PPIE: variants seen among roughly 807,000 people sequenced by gnomAD.
PPIE encodes peptidylprolyl isomerase E, also known as peptidyl-prolyl cis-trans isomerase E.
A neutral mutation model predicts 38.4 loss-of-function variants in PPIE; 20 were observed. That is an observed-to-expected ratio of 0.52 (90% CI 0.37 to 0.76). PPIE has a LOEUF of 0.76. Among genes scored for constraint, PPIE ranks in the 30% least tolerant of loss-of-function variants. The probability of loss-of-function intolerance (pLI) is 0.00; values close to 1 mark genes in which losing one functional copy is unlikely to be tolerated. For missense variants in PPIE, 322 were observed against 385.8 expected (o/e 0.83, Z 1.39); for synonymous variants, 142 against 135.7 (o/e 1.05, Z -0.32).
At chr1:39,743,687 T>G in intron 5 of PPIE, 137 bp from the exon 6 acceptor site, 1 of 673,188 alleles carries the variant, frequency 1.5e-6, no homozygotes, top group Non-Finnish European at 2.5e-6. Context: ...GGAACTTTCC[T>G]TACCCCTGGG....
chr1:39,749,132 G>A, intron 8 of PPIE, 44 bp downstream of exon 8: 3 of 1,538,594 alleles, frequency 1.9e-6, no homozygotes, highest in East Asian at 2.3e-5. Context: ...GCTGGGCAAG[G>A]GTGGGATGGC....
intron 7 of PPIE, chr1:39,748,540 C>A: frequency 4.5e-6 from 1 of 221,300 alleles, no homozygotes; most frequent in South Asian, 5.5e-5. Context: ...AGTTCTAGAC[C>A]AGCTTGGCCA....
chr1:39,753,202 T>C, intron 9 of PPIE, 85 bp from the exon 10 acceptor site: 2 of 1,591,704 alleles, frequency 1.3e-6, no homozygotes, highest in Non-Finnish European at 1.7e-6. Flanking sequence ...GGGGTGGAAG[T>C]GGGCAAATGG....
At chr1:39,759,617 A>T (rs1648673583), downstream of PPIE, 1 of 152,258 alleles carries the variant, frequency 6.6e-6, no homozygotes, top group South Asian at 2.1e-4. Context: ...ATGCTTGCTC[A>T]GCAAAGGGAA....
chr1:39,744,913 C>T (rs1210237029), intron 6 of PPIE, among the ~76,000 whole-genome samples: 4 of 152,168 alleles, frequency 2.6e-5, no homozygotes, highest in Admixed American at 2.6e-4. Context: ...GAGGGCTGCC[C>T]CCTTGCTTCC....
downstream of PPIE, chr1:39,759,974 CCT>C: frequency 5.5e-6 from 1 of 181,234 alleles, no homozygotes; most frequent in East Asian, 1.5e-4. Context: ...CCAACCAGAC[CCT>C]GACTACACAC....
rs1452464082 is a variant in PPIE at position 39,756,687 on chromosome 1, G to T, written c.*3332G>T. 1 of 860,344 alleles carries T rather than the reference G, an allele frequency of 1.2e-6. No individual in the cohort carries two copies. The highest frequency in any genetic ancestry group is 1.8e-5 in the African/African-American group (1 of 54,680). 53.3% of individuals were successfully genotyped at this position (860,344 alleles called of 1,614,324 possible). A position where few individuals can be genotyped will look rare whatever the true frequency, so the allele number is the denominator to read the frequency against. ...TATAGTACAGTGTGATCCCAATTTT[G>T]TAAAAATATCTGTAATATGTAAGCA... On this transcript the variant is annotated 3_prime_UTR_variant, in exon 10 of 10. Coordinates refer to ENST00000324379, the MANE Select transcript of PPIE (RefSeq NM_006112.4).
chr1:39,752,495 A>G (rs1021844359), intron 8 of PPIE, among the ~76,000 whole-genome samples: 2 of 152,170 alleles, frequency 1.3e-5, no homozygotes, highest in African/African-American at 4.8e-5. Flanking sequence ...AGACACACAC[A>G]TATACATGTA....
chr1:39,762,557 G>GA (rs759044704), intron 9 of PPIE: 20 of 1,550,174 alleles, frequency 1.3e-5, no homozygotes, highest in South Asian at 5.9e-5. Flanking sequence ...AGGGGATCCA[G>GA]AAAAAACAAA....
chr1:39,741,510 C>T, intron 3 of PPIE, 101 bp downstream of exon 3: 1 of 1,209,284 alleles, frequency 8.3e-7, no homozygotes. Flanking sequence ...GGGCCTTAGG[C>T]TGATGCTTCC....
rs1557461779 is a variant in PPIE, at chr1:39,756,361, C to A, written c.*3006C>A. The A allele has an allele frequency of 1.0e-6, 1 of 985,398 alleles. No homozygotes were observed. The highest frequency in any genetic ancestry group is 1.2e-6 in the Non-Finnish European group (1 of 829,912). 61.0% of individuals were successfully genotyped at this position (985,398 alleles called of 1,614,324 possible). The stretch of plus-strand genomic sequence containing the variant: ...AGGGCTTCCTTTTGCTGATTCATTT[C>A]CCCCCTAACTCATTCAGAGTTGAGC... On this transcript the variant is annotated 3_prime_UTR_variant, in exon 10 of 10. Transcript: ENST00000324379.
At chr1:39,751,850 T>C (rs1185688479) in intron 8 of PPIE, among the ~76,000 whole-genome samples, 1 of 152,150 alleles carries the variant, frequency 6.6e-6, no homozygotes, top group African/African-American at 2.4e-5. Flanking sequence ...TTTGGGAGTC[T>C]GAAGTGGCAG....
chr1:39,753,369 C>G lies in PPIE; in HGVS notation c.*14C>G, dbSNP rs1352816640. 8 of 1,612,716 alleles carry G rather than the reference C, an allele frequency of 5.0e-6. No homozygotes were observed. Among genetic ancestry groups the G allele is most frequent in the Non-Finnish European group, 6.8e-6 (8 of 1,179,208 alleles). ...GAGTACGTGTGAGGCGGCACTCTCT[C>G]TGCTTCCCCCTCCGCTCTTGACCCT... On this transcript the variant is annotated 3_prime_UTR_variant, in exon 10 of 10. Transcript: ENST00000324379.
intron 6 of PPIE, 149 bp from the exon 7 acceptor site, chr1:39,745,226 C>T (rs1368829552): frequency 3.8e-6 from 4 of 1,049,440 alleles, no homozygotes; most frequent in South Asian, 1.5e-5. Context: ...CTGCCTCCTG[C>T]AGCCCTATCA....
At chr1:39,752,527 T>C (rs770963260) in intron 8 of PPIE, among the ~76,000 whole-genome samples, 17 of 152,174 alleles carry the variant, frequency 1.1e-4, no homozygotes, top group Non-Finnish European at 2.4e-4. Context: ...GTGACAAATG[T>C]CCATGTTACC....
intron 8 of PPIE, among the ~76,000 whole-genome samples, chr1:39,749,525 T>C (rs1247627300): frequency 6.6e-6 from 1 of 152,148 alleles, no homozygotes; most frequent in African/African-American, 2.4e-5. Flanking sequence ...ATTTCCCTAC[T>C]TGATGCTCAG....
intron 6 of PPIE, among the ~76,000 whole-genome samples, 197 bp downstream of exon 6, chr1:39,744,121 G>A (rs1569650892): frequency 6.6e-6 from 1 of 152,186 alleles, no homozygotes; most frequent in South Asian, 2.1e-4. Flanking sequence ...ATTCAAGGGC[G>A]AAACTTTGGG....
Position 39,740,207 on chromosome 1 carries a change from C to T in PPIE, c.74C>T (p.Ala25Val), listed in dbSNP as rs758313497. The change falls in exon 2 of 10, where the codon GCG (alanine) becomes GTG (valine). Residue 25 changes from alanine to valine, a missense_variant. Transcript: ENST00000324379. ...EEVDDKVLHA[A>V]FIPFGDITDI... ...GTGGACGACAAAGTTCTTCATGCTG[C>T]GTTCATTCCTTTTGGAGACATCACA... 2.5e-6 allele frequency: 4 copies of T among 1,614,164 alleles called. No homozygotes were observed. Among genetic ancestry groups the T allele is most frequent in the Non-Finnish European group, 3.4e-6 (4 of 1,180,022 alleles).
intron 4 of PPIE, 138 bp downstream of exon 4, chr1:39,742,059 C>G: frequency 1.2e-6 from 1 of 818,618 alleles, no homozygotes; most frequent in Non-Finnish European, 2.0e-6. Context: ...AAAATATTCA[C>G]TGTGAATTGA....
Sources: gnomAD v4.1 joint callset for allele counts (sites outside exome capture counted in the v4.1 genomes callset) on GRCh38, gnomAD v4.1.1 for gene constraint, MANE v1.5 for transcripts, NCBI Gene and HGNC (gene_info 2026-07-23, HGNC 2026-07-21) for gene names.